LRRTM3: variants seen among roughly 807,000 people sequenced by gnomAD.
LRRTM3 encodes leucine-rich repeat transmembrane neuronal protein 3.
In LRRTM3, 24 loss-of-function variants were observed where a neutral mutation model predicts 44.7. The observed-to-expected ratio is 0.54, with a 90% CI of 0.39 to 0.76. The LOEUF (loss-of-function observed/expected upper bound fraction) is 0.76. Ranked by LOEUF, LRRTM3 falls within the 30% of genes least tolerant of loss-of-function variation. The probability of loss-of-function intolerance (pLI) is 0.00; values close to 1 mark genes in which losing one functional copy is unlikely to be tolerated. For missense variants in LRRTM3, 587 were observed against 702.2 expected, an observed-to-expected ratio of 0.84 and a Z score of 1.85; for synonymous variants, 277 against 278.7, an observed-to-expected ratio of 0.99 and a Z score of 0.06.
intron 2 of LRRTM3, among the ~76,000 whole-genome samples, chr10:67,087,269 T>C (rs1341697022): frequency 6.6e-6 from 1 of 151,702 alleles, no homozygotes; most frequent in Non-Finnish European, 1.5e-5. Flanking sequence ...CAGGGAAGAG[T>C]CCATTAGTGG....
intron 2 of LRRTM3, among the ~76,000 whole-genome samples, chr10:67,074,034 C>CTTTTTTTTTT (rs35411851): frequency 1.8e-5 from 2 of 109,436 alleles, no homozygotes; most frequent in Non-Finnish European, 3.5e-5. Context: ...CATTTTAACT[C>CTTTTTTTTTT]TTTTTTTTTT....
chr10:66,972,192 G>T (rs1243072272), intron 2 of LRRTM3, among the ~76,000 whole-genome samples: 1 of 152,088 alleles, frequency 6.6e-6, no homozygotes, highest in Non-Finnish European at 1.5e-5. Context: ...AGTTTCACTG[G>T]AATGAACAAA....
chr10:66,962,629 T>A (rs1198254267), intron 2 of LRRTM3, among the ~76,000 whole-genome samples: 1 of 152,024 alleles, frequency 6.6e-6, no homozygotes, highest in Non-Finnish European at 1.5e-5. Context: ...GCCAGGATGT[T>A]CTCGATCTCC....
chr10:66,982,919 C>G (rs1180981030), intron 2 of LRRTM3, among the ~76,000 whole-genome samples: 1 of 152,086 alleles, frequency 6.6e-6, no homozygotes, highest in Non-Finnish European at 1.5e-5. Context: ...ACAATGCAAG[C>G]TACATCTTAA....
chr10:66,998,445 C>G (rs1851482672), intron 2 of LRRTM3, among the ~76,000 whole-genome samples: 1 of 152,052 alleles, frequency 6.6e-6, no homozygotes, highest in African/African-American at 2.4e-5. Context: ...TACAAAGGGA[C>G]TAAATTTGCA....
At chr10:67,038,943 T>C (rs949132631) in intron 2 of LRRTM3, among the ~76,000 whole-genome samples, 45 of 152,164 alleles carry the variant, frequency 3.0e-4, no homozygotes, top group African/African-American at 1.0e-3. Context: ...ATGTAAAAAA[T>C]AGTCTTTTGA....
intron 2 of LRRTM3, among the ~76,000 whole-genome samples, chr10:66,951,140 CAG>C (rs1848519819): frequency 1.3e-5 from 2 of 149,024 alleles, no homozygotes; most frequent in African/African-American, 5.0e-5. Flanking sequence ...TTTTTTAAGA[CAG>C]AGTCTTGCTC....
chr10:67,022,778 A>G (rs1257989264), intron 2 of LRRTM3, among the ~76,000 whole-genome samples: 3 of 152,082 alleles, frequency 2.0e-5, no homozygotes, highest in African/African-American at 4.8e-5. Context: ...TCTGCTAAAA[A>G]TACAAAAAAA....
intron 2 of LRRTM3, among the ~76,000 whole-genome samples, chr10:67,008,989 G>C (rs189160990): frequency 2.0e-3 from 305 of 152,018 alleles, no homozygotes; most frequent in African/African-American, 7.0e-3. Context: ...ATACTTTCTT[G>C]TACTCAGAAT....
At chr10:67,002,986 C>A (rs1925613) in intron 2 of LRRTM3, among the ~76,000 whole-genome samples, 77,151 of 151,964 alleles carry the variant, frequency 0.51, 20,476 homozygotes, top group Middle Eastern at 0.72. Context: ...AAAATACATT[C>A]ATCAGATGCA....
chr10:67,059,841 G>A (rs1250117101), intron 2 of LRRTM3, among the ~76,000 whole-genome samples: 10 of 152,092 alleles, frequency 6.6e-5, no homozygotes, highest in Non-Finnish European at 1.2e-4. Flanking sequence ...ATAATAGCAT[G>A]TATGTCTTTA....
chr10:67,057,717 T>C (rs1288456480), intron 2 of LRRTM3, among the ~76,000 whole-genome samples: 2 of 152,106 alleles, frequency 1.3e-5, no homozygotes, highest in African/African-American at 2.4e-5. Flanking sequence ...CTGATCACCA[T>C]TTTACCACCA....
chr10:66,989,085 T>C (rs894177347), intron 2 of LRRTM3, among the ~76,000 whole-genome samples: 3 of 152,180 alleles, frequency 2.0e-5, no homozygotes, highest in Admixed American at 6.6e-5. Context: ...ATTTCCTGTA[T>C]TTCCTGGAAA....
chr10:67,006,598 T>C (rs1852006468), intron 2 of LRRTM3, among the ~76,000 whole-genome samples: 1 of 152,110 alleles, frequency 6.6e-6, no homozygotes, highest in African/African-American at 2.4e-5. Flanking sequence ...TTTAAGAGAT[T>C]CAGAATTATG....
At chr10:66,940,128 G>C (rs1351211909) in intron 2 of LRRTM3, among the ~76,000 whole-genome samples, 1 of 151,978 alleles carries the variant, frequency 6.6e-6, no homozygotes, top group Non-Finnish European at 1.5e-5. Flanking sequence ...AGAGAATCTT[G>C]GGCTCCAGAG....
intron 2 of LRRTM3, among the ~76,000 whole-genome samples, chr10:67,097,294 A>G (rs1858058945): frequency 6.6e-6 from 1 of 151,924 alleles, no homozygotes; most frequent in Non-Finnish European, 1.5e-5. Flanking sequence ...AGCGAAAGCA[A>G]TTTTCTGACT....
intron 2 of LRRTM3, among the ~76,000 whole-genome samples, chr10:67,084,417 T>C (rs1857199431): frequency 6.6e-6 from 1 of 152,028 alleles, no homozygotes; most frequent in Non-Finnish European, 1.5e-5. Flanking sequence ...GAATACATTT[T>C]AAAGCTAAAT....
chr10:67,005,682 C>CTTTTTTT lies in LRRTM3; in HGVS notation c.1536+77245_1536+77251dup, dbSNP rs11369576. 2.4e-4 allele frequency among the ~76,000 whole-genome samples: 15 copies of CTTTTTTT among 61,980 alleles called. 3 individuals are homozygous for CTTTTTTT. The highest frequency in any genetic ancestry group is 4.1e-4 in the Non-Finnish European group (14 of 34,092). The allele number at this position is 61,980 out of a possible 152,430, so 40.7% of individuals were successfully genotyped here. ...AATGCTTTTGTTTATTTTACTCCAT[C>CTTTTTTT]TTTTTTTTTTTTTTTTTTTTTGAGA... On this transcript the variant is annotated intron_variant, in intron 2 of 2. Coordinates refer to ENST00000361320, the MANE Select transcript of LRRTM3 (RefSeq NM_178011.5).
intron 2 of LRRTM3, among the ~76,000 whole-genome samples, chr10:67,046,020 CATAAA>C (rs1176018275): frequency 6.6e-6 from 1 of 152,054 alleles, no homozygotes; most frequent in Non-Finnish European, 1.5e-5. Flanking sequence ...TGTATCATTA[CATAAA>C]ATAAAAGTGA....
Sources: gnomAD v4.1 joint callset for allele counts (sites outside exome capture counted in the v4.1 genomes callset) on GRCh38, gnomAD v4.1.1 for gene constraint, MANE v1.5 for transcripts, NCBI Gene and HGNC (gene_info 2026-07-23, HGNC 2026-07-21) for gene names.